The following MST1 variants were observed in gnomAD, a reference collection of about 807,000 sequenced individuals.
The protein encoded by MST1 is hepatocyte growth factor-like protein.
In MST1, 76 loss-of-function variants were observed where a neutral mutation model predicts 100.1. The observed-to-expected ratio is 0.76, with a 90% CI of 0.63 to 0.92. The LOEUF (loss-of-function observed/expected upper bound fraction) is 0.92, where lower values mean the gene tolerates loss of function less well. Among genes scored for constraint, MST1 ranks in the 40% least tolerant of loss-of-function variants. MST1 has a pLI of 0.00. For synonymous variants in MST1, 352 were observed against 385.4 expected, an observed-to-expected ratio of 0.91 and a Z score of 1.01; for missense variants, 850 against 990.0, an observed-to-expected ratio of 0.86 and a Z score of 1.90.
In MST1 at chr3:49,683,971, C is replaced by A; in HGVS notation, c.*57G>T. ...GTACAGGCATAAAGAGGAAACATGG[C>A]TTTATGTCTGACAAGAAGTTTTGTC... On this transcript the variant is annotated 3_prime_UTR_variant, in exon 18 of 18. Transcript: ENST00000449682. The A allele has an allele frequency of 6.3e-7, 1 of 1,585,552 alleles. No individual in the cohort carries two copies. Among genetic ancestry groups the A allele is most frequent in the South Asian group, 1.2e-5 (1 of 86,066 alleles).
intron 2 of MST1, 39 bp downstream of exon 2, chr3:49,687,711 C>T (rs1187266688): frequency 4.5e-5 from 73 of 1,613,412 alleles, no homozygotes; most frequent in Non-Finnish European, 6.0e-5. Flanking sequence ...GCCCAGGCTT[C>T]CCTGCCCCCA....
intron 13 of MST1, 30 bp from the exon 14 acceptor site, chr3:49,685,119 C>T (rs1337632441): frequency 1.9e-6 from 3 of 1,606,568 alleles, no homozygotes; most frequent in Admixed American, 1.7e-5. Context: ...GGACAGGTAA[C>T]AGACTCCTGG....
rs2054027605 is a variant in MST1, at chr3:49,688,817, C to G, written c.-126G>C. 1 of 705,842 alleles carries G rather than the reference C, an allele frequency of 1.4e-6. No individual in the cohort carries two copies. Among genetic ancestry groups the G allele is most frequent in the Non-Finnish European group, 2.4e-6 (1 of 421,598 alleles). 43.7% of individuals were successfully genotyped at this position (705,842 alleles called of 1,614,324 possible). On this transcript the variant is annotated 5_prime_UTR_variant, in exon 1 of 18. Coordinates refer to ENST00000449682, the MANE Select transcript of MST1 (RefSeq NM_020998.4). ...GCCATGAGGGGCCAGGCCTCAGGTCCCATAGGTCAGTTGCAAGGGCCTAGT... is the reference window on the plus strand; with the variant it reads ...GCCATGAGGGGCCAGGCCTCAGGTCGCATAGGTCAGTTGCAAGGGCCTAGT...
At position 49,687,666 on chromosome 3, in the gene MST1, G is replaced by A; in HGVS notation, c.245C>T (p.Ala82Val). The change falls in exon 3 of 18, where the codon GCC (alanine) becomes GTC (valine). Residue 82 changes from alanine (A) to valine (V), a missense_variant and splice_region_variant. By Grantham distance (64) the Ala-to-Val change is moderately conservative. This residue lies in a region of MST1 where 816 missense variants were observed against 924.6 expected (regional missense o/e 0.88). Transcript: ENST00000449682. The stretch of plus-strand genomic sequence containing the variant: ...ATGGCTGCTCACGTTGTAGTGGAAG[G>A]CCCTGGAGAGAAGAAGGCACAGGGT... ...GRCGPLMDCRAFHYNVSSHGC... is the reference protein window; with the variant it reads ...GRCGPLMDCRVFHYNVSSHGC... 6.2e-7 allele frequency: 1 copy of A among 1,613,422 alleles called. No individual in the cohort carries two copies. The highest frequency in any genetic ancestry group is 8.5e-7 in the Non-Finnish European group (1 of 1,179,864).
At chr3:49,688,324 G>T in intron 1 of MST1, 1 of 505,406 alleles carries the variant, frequency 2.0e-6, no homozygotes, top group East Asian at 3.5e-5. Context: ...AGGTTAGAGG[G>T]GTAGATCAGG....
chr3:49,685,314 C>T lies in MST1; in HGVS notation c.1492G>A (p.Val498Met), dbSNP rs1057287. The T allele has an allele frequency of 9.3e-6, 15 of 1,613,422 alleles. No individual in the cohort carries two copies. Among genetic ancestry groups the T allele is most frequent in the Middle Eastern group, 1.7e-4 (1 of 6,056 alleles). ...RLDQRRSKLR[V>M]VGGHPGNSPW... ...GAGTTGCCCGGATGGCCCCCAACCA[C>T]GCGCAGCTTGGAACGCCGCTGATCC... The change falls in exon 13 of 18, where the codon GTG (valine) becomes ATG (methionine). Residue 498 changes from valine to methionine, a missense_variant. Val to Met is a conservative substitution (Grantham distance 21). Around this residue, in one of 2 missense-constraint regions of MST1, gnomAD observed 816 missense variants for 924.6 expected, o/e 0.88. Coordinates refer to ENST00000449682, the MANE Select transcript of MST1 (RefSeq NM_020998.4).
chr3:49,687,632 T>C lies in MST1; in HGVS notation c.279A>G (p.Gln93=), dbSNP rs1229460371. The C allele has an allele frequency of 1.2e-5, 19 of 1,613,462 alleles. No individual in the cohort carries two copies. Among genetic ancestry groups the C allele is most frequent in the Admixed American group, 3.3e-5 (2 of 60,002 alleles). ...GCGAGTGTTGAGTCCATGGCAGCAG[T>C]TGGCAACCATGGCTGCTCACGTTGT... ...FHYNVSSHGC[Q]LLPWTQHSPH... The change falls in exon 3 of 18, where the codon CAA becomes CAG. Residue 93 remains glutamine (Q), a synonymous_variant. Transcript: ENST00000449682.
At position 49,686,208 on chromosome 3, in the gene MST1, A is replaced by G. The variant is rs558978007; in HGVS notation, c.1017-16T>C. The G allele has an allele frequency of 6.2e-7, 1 of 1,603,742 alleles. No homozygotes were observed. Among genetic ancestry groups the G allele is most frequent in the South Asian group, 1.1e-5 (1 of 90,682 alleles). ...CCGAAGGTCTCTAAGCAGGCGCTCCACTCAGCCCTAGCCCGCCAGCCTCCA... is the reference window on the plus strand; with the variant it reads ...CCGAAGGTCTCTAAGCAGGCGCTCCGCTCAGCCCTAGCCCGCCAGCCTCCA... On this transcript the variant is annotated splice_polypyrimidine_tract_variant and intron_variant, in intron 8 of 17. Transcript: ENST00000449682.
At position 49,684,108 on chromosome 3, in the gene MST1, C is replaced by T. The variant is rs772223669; in HGVS notation, c.2098G>A (p.Ala700Thr). ...AAGACAGCTGGCCAGCGGGACCTTG[C>T]GCATACTCGGTTGGGGATTATAATT... ...EGIIIPNRVC[A>T]RSRWPAVFTR... Residue 700 changes from alanine to threonine, a missense_variant, in exon 18 of 18, where the codon GCA (alanine) becomes ACA (threonine). By Grantham distance (58) the Ala-to-Thr change is moderately conservative (BLOSUM62 0). Transcript: ENST00000449682. 40 of 1,613,564 alleles carry T rather than the reference C, an allele frequency of 2.5e-5. No homozygotes were observed. Among genetic ancestry groups the T allele is most frequent in the South Asian group, 3.3e-5 (3 of 91,086 alleles).
chr3:49,686,553 C>T lies in MST1; in HGVS notation c.848-72G>A, dbSNP rs1403186506. ...CCTCTGGGGCTGGGACCAAACCCGCCTTTCCCAGGTGTACGGTACTCCACG... is the reference window on the plus strand; with the variant it reads ...CCTCTGGGGCTGGGACCAAACCCGCTTTTCCCAGGTGTACGGTACTCCACG... On this transcript the variant is annotated intron_variant, in intron 7 of 17. Transcript: ENST00000449682. The T allele has an allele frequency of 4.4e-6, 7 of 1,585,796 alleles. No individual in the cohort carries two copies. In the African/African-American group the frequency reaches 5.4e-5, roughly 12 times the overall value.
rs773690573 is a variant in MST1, at chr3:49,686,976, G to C, written c.699C>G (p.His233Gln). The change falls in exon 6 of 18, where the codon CAC becomes CAG. Residue 233 changes from histidine (H) to glutamine (Q), a missense_variant. By Grantham distance (24) the His-to-Gln change is conservative. This residue lies in a region of MST1 where 816 missense variants were observed against 924.6 expected (regional missense o/e 0.88). Transcript: ENST00000449682. ...GRECQRWDLQ[H>Q]PHQHPFEPGK... ...CCGGCTCGAAGGGGTGCTGGTGCGG[G>C]TGCTGAAGATCCCAGCGCTGGCACT... 3 of 1,611,090 alleles carry C rather than the reference G, an allele frequency of 1.9e-6. No homozygotes were observed. The highest frequency in any genetic ancestry group is 1.7e-5 in the Admixed American group (1 of 60,002).
In MST1 at chr3:49,684,649, T is replaced by A. The variant is rs2053537402; in HGVS notation, c.1777A>T (p.Thr593Ser). 1.9e-6 allele frequency: 3 copies of A among 1,613,462 alleles called. No homozygotes were observed. In the East Asian group the frequency reaches 6.7e-5, roughly 36 times the overall value. Residue 593 changes from threonine to serine, a missense_variant, in exon 16 of 18, where the codon ACC becomes TCC. Coordinates refer to ENST00000449682, the MANE Select transcript of MST1 (RefSeq NM_020998.4). ...ATCAGGGCCACACGCTGGTTCAGGG[T>A]CACAGATCTTTAGCAAGAATGGGGG... ...LVLLKLERSV[T>S]LNQRVALICL...
rs1209227682 is a variant in MST1, at chr3:49,686,058, TCACCCTGGGGCCG to T, written c.1138_1147+3del. The T allele has an allele frequency of 1.9e-5, 30 of 1,609,212 alleles. No homozygotes were observed. Among genetic ancestry groups the T allele is most frequent in the Non-Finnish European group, 2.4e-5 (28 of 1,178,984 alleles). On this transcript the variant is annotated splice_donor_variant and splice_donor_region_variant and coding_sequence_variant and intron_variant, in exon 9 of 18. Transcript: ENST00000449682. LOFTEE classifies it high-confidence loss of function. ...GCTCTGTAGCCCCCAAGCTTGGGCC[TCACCCTGGGGCCG>T]CACGTCGTCTGTACAACGCCGGATC...
intron 1 of MST1, chr3:49,688,238 A>C (rs2053960441): frequency 2.1e-6 from 1 of 476,750 alleles, no homozygotes; most frequent in Non-Finnish European, 3.8e-6. Flanking sequence ...CAGAGCCATC[A>C]CATTACCCAG....
rs2053537190 is a variant in MST1, at chr3:49,684,648, G to A, written c.1778C>T (p.Thr593Ile). ...GATCAGGGCCACACGCTGGTTCAGG[G>A]TCACAGATCTTTAGCAAGAATGGGG... ...LVLLKLERSV[T>I]LNQRVALICL... is the part of the protein sequence containing the mutation. The change falls in exon 16 of 18, where the codon ACC (threonine) becomes ATC (isoleucine). Residue 593 changes from threonine (T) to isoleucine (I), a missense_variant. Coordinates refer to ENST00000449682, the MANE Select transcript of MST1 (RefSeq NM_020998.4). The A allele has an allele frequency of 1.9e-6, 3 of 1,613,674 alleles. No individual in the cohort carries two copies. The highest frequency in any genetic ancestry group is 2.5e-6 in the Non-Finnish European group (3 of 1,179,850).
Position 49,687,307 on chromosome 3 carries a change from A to T in MST1, c.471-22T>A, listed in dbSNP as rs1205278409. 5 of 1,613,450 alleles carry T rather than the reference A, an allele frequency of 3.1e-6. No individual in the cohort carries two copies. In the Admixed American group the frequency reaches 8.3e-5, roughly 27 times the overall value. On this transcript the variant is annotated intron_variant, in intron 4 of 17. Transcript: ENST00000449682. ...GTACCTGAGGGCCCAGAGCATCACTATAGTGTGTGCTGGGGGAAGGCCCCA... is the reference window on the plus strand; with the variant it reads ...GTACCTGAGGGCCCAGAGCATCACTTTAGTGTGTGCTGGGGGAAGGCCCCA...
In MST1 at chr3:49,686,964, G is replaced by A. The variant is rs1261287383; in HGVS notation, c.711C>T (p.His237=). Residue 237 remains histidine, a synonymous_variant, in exon 6 of 18, where the codon CAC becomes CAT. Transcript: ENST00000449682. ...QRWDLQHPHQ[H]PFEPGKFLDQ... ...ACGCGTACTTGCCCGGCTCGAAGGG[G>A]TGCTGGTGCGGGTGCTGAAGATCCC... 8.1e-6 allele frequency: 13 copies of A among 1,611,110 alleles called. No individual in the cohort carries two copies. The highest frequency in any genetic ancestry group is 1.3e-5 in the African/African-American group (1 of 74,894).
rs764530149 is a variant in MST1, at chr3:49,684,612, G to A, written c.1814C>T (p.Pro605Leu). The change falls in exon 16 of 18, where the codon CCT becomes CTT. Residue 605 changes from proline (P) to leucine (L), a missense_variant. Physicochemically the swap from Pro to Leu is moderately conservative, Grantham distance 98. Transcript: ENST00000449682. ...CCCTGGAGGCACCACATACCATTCA[G>A]GGGGCAGGCAGATCAGGGCCACACG... is the stretch of plus-strand genomic sequence containing the variant. Reference protein sequence around the residue: ...NQRVALICLPPEWYVVPPGTK... With the variant: ...NQRVALICLPLEWYVVPPGTK... 6.2e-7 allele frequency: 1 copy of A among 1,613,648 alleles called. No homozygotes were observed.
In MST1 at chr3:49,687,622, A is replaced by G; in HGVS notation, c.289T>C (p.Trp97Arg). 6.2e-7 allele frequency: 1 copy of G among 1,613,586 alleles called. No individual in the cohort carries two copies. The highest frequency in any genetic ancestry group is 1.7e-5 in the Admixed American group (1 of 60,018). The change falls in exon 3 of 18, where the codon TGG (tryptophan) becomes CGG (arginine). Residue 97 changes from tryptophan to arginine, a missense_variant. Around this residue, in one of 2 missense-constraint regions of MST1, gnomAD observed 816 missense variants for 924.6 expected, o/e 0.88. Transcript: ENST00000449682. ...CTCGTGTGGGGCGAGTGTTGAGTCC[A>G]TGGCAGCAGTTGGCAACCATGGCTG... is the stretch of plus-strand genomic sequence containing the variant. The part of the protein sequence containing the change: ...VSSHGCQLLP[W>R]TQHSPHTRLR...
Sources: allele counts gnomAD v4.1 joint callset, GRCh38; gene constraint gnomAD v4.1.1; regional missense constraint gnomAD v4.1.1; transcripts MANE v1.5; gene names NCBI Gene and HGNC (gene_info 2026-07-23, HGNC 2026-07-21).